The following TAB2 variants were observed in gnomAD, a reference collection of about 807,000 sequenced individuals.
TAB2 encodes the protein TGF-beta-activated kinase 1 and MAP3K7-binding protein 2.
A neutral mutation model predicts 65.0 loss-of-function variants in TAB2; 3 were observed. The ratio of observed to expected loss-of-function variants is 0.05; its 90% confidence interval spans 0.02 to 0.12. The LOEUF (loss-of-function observed/expected upper bound fraction) is 0.12. TAB2 is among the 10% of genes least tolerant of loss of function. TAB2 has a pLI of 1.00. For synonymous variants in TAB2, 298 were observed against 285.1 expected (o/e 1.05, Z -0.46); for missense variants, 623 against 840.3 (o/e 0.74, Z 3.20).
At chr6:149,279,792 A>G (rs1160167895) in intron 1 of TAB2, among the ~76,000 whole-genome samples, 1 of 152,166 alleles carries the variant, frequency 6.6e-6, no homozygotes, top group African/African-American at 2.4e-5. Context: ...CTCCACCTGT[A>G]TGTCCCCCAA....
At chr6:149,370,130 A>T in intron 2 of TAB2, 31 bp downstream of exon 2, 1 of 1,562,650 alleles carries the variant, frequency 6.4e-7, no homozygotes, top group East Asian at 2.2e-5. Context: ...GAATTTGTTA[A>T]TACAAACCTG....
intron 1 of TAB2, among the ~76,000 whole-genome samples, chr6:149,327,144 A>T (rs1412860968): frequency 6.6e-6 from 1 of 152,140 alleles, no homozygotes; most frequent in African/African-American, 2.4e-5. Context: ...TTGATATCCT[A>T]TGGACTATTT....
chr6:149,308,979 T>G (rs1027605249), intron 1 of TAB2, among the ~76,000 whole-genome samples: 1 of 151,810 alleles, frequency 6.6e-6, no homozygotes. Flanking sequence ...ACCGTATACA[T>G]AGCCAGCCTC....
intron 1 of TAB2, among the ~76,000 whole-genome samples, chr6:149,229,559 G>A (rs1416512829): frequency 1.3e-5 from 2 of 152,078 alleles, no homozygotes; most frequent in Non-Finnish European, 2.9e-5. Flanking sequence ...GAGCAGGCCA[G>A]AAAGAAGCAT....
intron 1 of TAB2, among the ~76,000 whole-genome samples, chr6:149,229,088 A>T (rs1038466388): frequency 6.6e-6 from 1 of 152,258 alleles, no homozygotes; most frequent in African/African-American, 2.4e-5. Flanking sequence ...GTTAGCACAT[A>T]CAGATCCATT....
At chr6:149,273,496 G>A (rs1778401956) in intron 1 of TAB2, among the ~76,000 whole-genome samples, 1 of 152,212 alleles carries the variant, frequency 6.6e-6, no homozygotes, top group African/African-American at 2.4e-5. Context: ...CTGGCAGCAA[G>A]GGCAAACTGC....
intron 1 of TAB2, among the ~76,000 whole-genome samples, chr6:149,276,786 T>G (rs902358067): frequency 1.3e-5 from 2 of 152,220 alleles, no homozygotes; most frequent in Non-Finnish European, 2.9e-5. Flanking sequence ...ATATCTTTTA[T>G]TCAACAATTC....
chr6:149,350,348 G>A (rs1269217785), intron 1 of TAB2, among the ~76,000 whole-genome samples: 2 of 152,108 alleles, frequency 1.3e-5, no homozygotes, highest in Admixed American at 1.3e-4. Flanking sequence ...GGGCAACAAG[G>A]CATTTTTCAG....
At chr6:149,342,175 G>A (rs1199722673) in intron 1 of TAB2, among the ~76,000 whole-genome samples, 2 of 152,016 alleles carry the variant, frequency 1.3e-5, no homozygotes, top group Non-Finnish European at 2.9e-5. Flanking sequence ...TTTAAAAATT[G>A]GAACTTAACA....
intron 1 of TAB2, among the ~76,000 whole-genome samples, chr6:149,229,353 G>A (rs1440581896): frequency 2.6e-5 from 4 of 151,912 alleles, no homozygotes; most frequent in African/African-American, 7.3e-5. Flanking sequence ...CAAAGAAAAC[G>A]TGTGCTCCAT....
At chr6:149,353,737 G>A (rs138478523) in intron 1 of TAB2, among the ~76,000 whole-genome samples, 1 of 152,284 alleles carries the variant, frequency 6.6e-6, no homozygotes, top group African/African-American at 2.4e-5. Flanking sequence ...TTAGTTATTT[G>A]TTTACAAGAC....
At chr6:149,299,544 C>T (rs1182632690) in intron 1 of TAB2, among the ~76,000 whole-genome samples, 3 of 152,096 alleles carry the variant, frequency 2.0e-5, no homozygotes, top group African/African-American at 7.2e-5. Flanking sequence ...TGCACTCCAG[C>T]CTGAGTGACA....
At chr6:149,290,336 C>A (rs534163919) in intron 1 of TAB2, among the ~76,000 whole-genome samples, 1 of 152,202 alleles carries the variant, frequency 6.6e-6, no homozygotes, top group East Asian at 1.9e-4. Flanking sequence ...GTCATCTTTT[C>A]AGAGGATGCA....
chr6:149,301,427 C>T lies in TAB2; in HGVS notation c.-120-76591C>T, dbSNP rs141045273. On this transcript the variant is annotated intron_variant, in intron 1 of 1. Transcript: ENST00000606202. ...TATGTATTGAGGTTGTTGAAGCCTT[C>T]ATATATAGATTACATTTTCAACTAT... 3.8e-3 allele frequency among the ~76,000 whole-genome samples: 578 copies of T among 152,232 alleles called. 5 individuals carry two copies. The highest frequency in any genetic ancestry group is 9.8e-3 in the Admixed American group (150 of 15,290).
intron 1 of TAB2, among the ~76,000 whole-genome samples, chr6:149,248,559 C>G (rs948941220): frequency 6.6e-6 from 1 of 151,940 alleles, no homozygotes; most frequent in Non-Finnish European, 1.5e-5. Flanking sequence ...TTGTTCACAT[C>G]TGAGTCTCCC....
chr6:149,339,396 TAA>T (rs2114773863), intron 1 of TAB2, among the ~76,000 whole-genome samples: 1 of 151,982 alleles, frequency 6.6e-6, no homozygotes, highest in South Asian at 2.1e-4. Context: ...AAAAAAAATC[TAA>T]GATATAATTA....
intron 1 of TAB2, among the ~76,000 whole-genome samples, chr6:149,340,610 TAAA>T (rs1315148182): frequency 1.3e-5 from 2 of 152,116 alleles, no homozygotes; most frequent in African/African-American, 4.8e-5. Context: ...TTAAAAAATT[TAAA>T]AAAGTGGTTT....
chr6:149,221,381 C>G (rs1268100144), intron 1 of TAB2: 1 of 152,264 alleles, frequency 6.6e-6, no homozygotes, highest in Non-Finnish European at 1.5e-5. Context: ...TGCTGCCAGC[C>G]ATTGCCTTGA....
In TAB2 at chr6:149,369,946, T is replaced by C; in HGVS notation, c.-52T>C. The C allele has an allele frequency of 6.7e-7, 1 of 1,487,738 alleles. No homozygotes were observed. The highest frequency in any genetic ancestry group is 9.4e-7 in the Non-Finnish European group (1 of 1,064,902). The allele number at this position is 1,487,738 out of a possible 1,614,324, so 92.2% of individuals were successfully genotyped here. ...CAGAAGAGATGAGTACTATTTCCAC[T>C]AAGGCCTAGAATTGCCTACTGTACA... On this transcript the variant is annotated 5_prime_UTR_variant, in exon 2 of 7. Transcript: ENST00000637181.
Sources: gnomAD v4.1 joint callset for allele counts (sites outside exome capture counted in the v4.1 genomes callset) on GRCh38, gnomAD v4.1.1 for gene constraint, MANE v1.5 for transcripts, NCBI Gene and HGNC (gene_info 2026-07-23, HGNC 2026-07-21) for gene names.